ANKMY1: variants seen among roughly 807,000 people sequenced by gnomAD.
The protein encoded by ANKMY1 is ankyrin repeat and MYND domain containing 1.
ANKMY1 carries 98 observed loss-of-function variants against 102.0 expected under a neutral mutation model. The observed-to-expected ratio is 0.96, with a 90% CI of 0.82 to 1.14. The LOEUF (loss-of-function observed/expected upper bound fraction) is 1.14, where lower values mean the gene tolerates loss of function less well. ANKMY1 is among the 50% of genes most tolerant of loss of function. The pLI, the probability that ANKMY1 is intolerant of heterozygous loss-of-function variation, is 0.00. For missense variants in ANKMY1, 1,330 were observed against 1,347.6 expected (o/e 0.99, Z 0.20); for synonymous variants, 582 against 559.9 (o/e 1.04, Z -0.56).
In ANKMY1 at chr2:240,524,177, C is replaced by G. The variant is rs762063163; in HGVS notation, c.1540G>C (p.Asp514His). 2.2e-5 allele frequency: 35 copies of G among 1,613,942 alleles called. No individual in the cohort carries two copies. In the East Asian group the frequency reaches 7.8e-4, roughly 36 times the overall value. The part of the protein sequence containing the change: ...QDTGQCGGSI[D>H]HRSSSLKGDS... ...CCCTTCAGAGAGCTGCTCCTGTGGT[C>G]TATGGACCCCCCACACTGCCCGGTG... The change falls in exon 8 of 18, where the codon GAC becomes CAC. Residue 514 changes from aspartate (D) to histidine (H), a missense_variant. Transcript: ENST00000401804.
chr2:240,559,215 C>T (rs1252433913), upstream of ANKMY1, among the ~76,000 whole-genome samples: 1 of 152,182 alleles, frequency 6.6e-6, no homozygotes, highest in Non-Finnish European at 1.5e-5. Context: ...CATGATGGTT[C>T]AAGTAGCAGG....
chr2:240,530,309 G>T (rs1227272227), intron 4 of ANKMY1, among the ~76,000 whole-genome samples: 1 of 146,470 alleles, frequency 6.8e-6, no homozygotes, highest in Non-Finnish European at 1.5e-5. Context: ...ATGTCAAATT[G>T]TACTCCCCAG....
At chr2:240,518,108 G>A (rs1343033070) in intron 9 of ANKMY1, among the ~76,000 whole-genome samples, 1 of 152,150 alleles carries the variant, frequency 6.6e-6, no homozygotes, top group Non-Finnish European at 1.5e-5. Context: ...GGGGAAGGGT[G>A]TTGAAACGGG....
chr2:240,546,339 C>T (rs1442960200), intron 4 of ANKMY1, among the ~76,000 whole-genome samples: 1 of 152,046 alleles, frequency 6.6e-6, no homozygotes, highest in Non-Finnish European at 1.5e-5. Flanking sequence ...CAGGCCTGCC[C>T]TAAAAGAGCT....
chr2:240,479,270 T>C (rs1325859001), downstream of ANKMY1, among the ~76,000 whole-genome samples: 3 of 152,102 alleles, frequency 2.0e-5, no homozygotes, highest in Non-Finnish European at 4.4e-5. Flanking sequence ...TGCAGCAGGC[T>C]CCGAGTCCTG....
chr2:240,480,504 C>T (rs757442036), intron 17 of ANKMY1, among the ~76,000 whole-genome samples: 9 of 152,238 alleles, frequency 5.9e-5, no homozygotes, highest in Non-Finnish European at 1.2e-4. Context: ...TCTGAGACGG[C>T]AGGCTGGGAG....
Position 240,506,908 on chromosome 2 carries a change from G to T in ANKMY1, c.2526+652C>A, listed in dbSNP as rs950384080. On this transcript the variant is annotated intron_variant, in intron 13 of 17. Transcript: ENST00000401804. The surrounding 1 kb of genome is among the most constrained non-coding windows in gnomAD (Gnocchi z 4.9). ...GCTCAGGACAGAAGGTGTCTCCAGC[G>T]CGGGCAGGATTTCCCGACTGTGAGC... Among the ~76,000 whole-genome samples, 1 of 152,092 alleles carries T rather than the reference G, an allele frequency of 6.6e-6. No individual in the cohort carries two copies. The highest frequency in any genetic ancestry group is 2.4e-5 in the African/African-American group (1 of 41,398).
At chr2:240,479,011 C>T (rs544119206), downstream of ANKMY1, among the ~76,000 whole-genome samples, 139 of 152,326 alleles carry the variant, frequency 9.1e-4, no homozygotes, top group African/African-American at 3.2e-3. Flanking sequence ...CAACACTGCT[C>T]CCTGTCATGT....
chr2:240,507,656 G>A lies in ANKMY1; in HGVS notation c.2430C>T (p.Pro810=), dbSNP rs750777569. Residue 810 remains proline, a synonymous_variant, in exon 13 of 18, where the codon CCC becomes CCT. Coordinates refer to ENST00000401804, the MANE Select transcript of ANKMY1 (RefSeq NM_001282771.3). The part of the protein sequence containing the change: ...VKELLTQGAD[P]NLPLTKGLGS... ...CCAAGCCTTTGGTCAGGGGCAGGTT[G>A]GGGTCAGCTCCCTGGGTCAGGAGCT... is the stretch of plus-strand genomic sequence containing the variant. 1.2e-6 allele frequency: 2 copies of A among 1,611,006 alleles called. No individual in the cohort carries two copies. The highest frequency in any genetic ancestry group is 2.2e-5 in the South Asian group (2 of 90,026).
rs374874973 is a variant in ANKMY1, at chr2:240,489,283, G to A, written c.2807-7022C>T. On this transcript the variant is annotated intron_variant, in intron 15 of 17. Transcript: ENST00000401804. ...AGCCTGGCCAACATGGCAAAACCCC[G>A]TCTCTACTAAAAATACAAAAAAATT... Among the ~76,000 whole-genome samples the A allele has an allele frequency of 1.3e-4, 19 of 151,972 alleles. No individual in the cohort carries two copies. In the East Asian group the frequency reaches 1.4e-3, roughly 11 times the overall value.
chr2:240,538,176 G>A (rs573555386), intron 4 of ANKMY1, among the ~76,000 whole-genome samples: 4 of 152,336 alleles, frequency 2.6e-5, no homozygotes, highest in African/African-American at 7.2e-5. Flanking sequence ...GTCCGCTCCC[G>A]CCGCGCTTGA....
At chr2:240,528,724 C>A (rs1300823042) in intron 5 of ANKMY1, among the ~76,000 whole-genome samples, 2 of 152,178 alleles carry the variant, frequency 1.3e-5, no homozygotes, top group Non-Finnish European at 2.9e-5. Context: ...CCTCGGGACT[C>A]CCCTGGCTGC....
Position 240,482,191 on chromosome 2 carries a change from C to T in ANKMY1, c.2877G>A (p.Glu959=), listed in dbSNP as rs76082075. Residue 959 remains glutamate, a synonymous_variant, in exon 16 of 18, where the codon GAG becomes GAA. Coordinates refer to ENST00000401804, the MANE Select transcript of ANKMY1 (RefSeq NM_001282771.3). The stretch of plus-strand genomic sequence containing the variant: ...CCTGCAGACACACTTACTGCCCCTG[C>T]TCCTTCACATCCAGGCCCCTGGGCA... ...PSLPRGLDVK[E]QGQIPFFKFC... 1.7e-4 allele frequency: 270 copies of T among 1,612,696 alleles called. 1 individual carries two copies. In the African/African-American group the frequency reaches 3.3e-3, roughly 20 times the overall value.
At chr2:240,560,462 GCCCAAACCT>G, upstream of ANKMY1, 1 of 623,628 alleles carries the variant, frequency 1.6e-6, no homozygotes, top group Non-Finnish European at 2.4e-6. Flanking sequence ...CCCTGGTGAG[GCCCAAACCT>G]CCCGCCATGC....
rs1049465923 is a variant in ANKMY1 at position 240,528,890 on chromosome 2, C to T, written c.953+147G>A. 5 of 759,926 alleles carry T rather than the reference C, an allele frequency of 6.6e-6. No individual in the cohort carries two copies. The African/African-American group carries it at 7.0e-5, about 11-fold the overall frequency. The allele number at this position is 759,926 out of a possible 1,614,324, so 47.1% of individuals were successfully genotyped here. A position where few individuals can be genotyped will look rare whatever the true frequency, so the allele number is the denominator to read the frequency against. On this transcript the variant is annotated intron_variant, in intron 5 of 17. Coordinates refer to ENST00000401804, the MANE Select transcript of ANKMY1 (RefSeq NM_001282771.3). ...GGGCTTTCCCTCCCTTCATTATCGC[C>T]CACATCAGTCACTTAATGGGAGGAG...
intron 4 of ANKMY1, among the ~76,000 whole-genome samples, chr2:240,550,300 G>A (rs1039230991): frequency 2.7e-5 from 4 of 147,672 alleles, no homozygotes; most frequent in Non-Finnish European, 4.4e-5. Context: ...ACTCATAGGC[G>A]GGAATTGAAC....
At chr2:240,507,309 G>A (rs2079245211) in intron 13 of ANKMY1, among the ~76,000 whole-genome samples, 2 of 149,486 alleles carry the variant, frequency 1.3e-5, no homozygotes. Flanking sequence ...CCCATGCTCA[G>A]GGCCAGCCCA....
Position 240,500,129 on chromosome 2 carries a change from G to GC in ANKMY1, c.2641-7dup. 1 of 1,592,094 alleles carries GC rather than the reference G, an allele frequency of 6.3e-7. No individual in the cohort carries two copies. The highest frequency in any genetic ancestry group is 1.1e-5 in the South Asian group (1 of 88,238). Reference sequence around the variant, plus strand: ...CAGCGGGCAATCCTCCGGTCCTGCGGCACAGCACCAGGGTCACCACAGGGT... The same window carrying GC: ...CAGCGGGCAATCCTCCGGTCCTGCGGCCACAGCACCAGGGTCACCACAGGGT... On this transcript the variant is annotated splice_region_variant and splice_polypyrimidine_tract_variant and intron_variant, in intron 14 of 17. Coordinates refer to ENST00000401804, the MANE Select transcript of ANKMY1 (RefSeq NM_001282771.3).
At chr2:240,523,501 G>C in intron 8 of ANKMY1, 1 of 273,820 alleles carries the variant, frequency 3.7e-6, no homozygotes. Context: ...GACAGCAGGG[G>C]TGTGAGAGCT....
Sources: gnomAD v4.1 joint callset for allele counts (sites outside exome capture counted in the v4.1 genomes callset) on GRCh38, gnomAD v4.1.1 for gene constraint, Gnocchi (gnomAD v3.1) non-coding constraint, MANE v1.5 for transcripts, NCBI Gene and HGNC (gene_info 2026-07-23, HGNC 2026-07-21) for gene names.